Variants in DHTKD1 observed in about 807,000 individuals in gnomAD.
The protein encoded by DHTKD1 is 2-oxoadipate dehydrogenase complex component E1.
In DHTKD1, 78 loss-of-function variants were observed where a neutral mutation model predicts 101.8. The observed-to-expected ratio is 0.77, with a 90% confidence interval of 0.64 to 0.93. The LOEUF is 0.93. Ranked by LOEUF, DHTKD1 falls within the 40% of genes least tolerant of loss-of-function variation. The pLI is 0.00. For synonymous variants in DHTKD1, 462 were observed against 450.3 expected (o/e 1.03, Z -0.33); for missense variants, 1,223 against 1,161.7 (o/e 1.05, Z -0.77).
rs71382613 is a variant in DHTKD1, at chr10:12,072,461, CAATAAATAAATA to C, written c.154+3307_154+3318del. The stretch of plus-strand genomic sequence containing the variant: ...TGGGTGATAGAGCAAGACTCTGTCT[CAATAAATAAATA>C]AATAAATAAATAAATAAATAAATAA... On this transcript the variant is annotated intron_variant, in intron 1 of 16. Transcript: ENST00000263035. Among the ~76,000 whole-genome samples, 1,016 of 148,462 alleles carry C rather than the reference CAATAAATAAATA, an allele frequency of 6.8e-3. 8 individuals are homozygous for C. Among genetic ancestry groups the C allele is most frequent in the Non-Finnish European group, 9.4e-3 (631 of 67,442 alleles).
chr10:12,084,603 T>G lies in DHTKD1; in HGVS notation c.374T>G (p.Ile125Ser), dbSNP rs781461520. Residue 125 changes from isoleucine (I) to serine (S), a missense_variant, in exon 3 of 17, where the codon ATC (isoleucine) becomes AGC (serine). Physicochemically the swap from Ile to Ser is moderately radical, Grantham distance 142. Transcript: ENST00000263035. ...GAAGTGTTAGTCTATCTCAATCAAATCTACTGTGGGCAGATTTCTATTGAA... is the reference window on the plus strand; with the variant it reads ...GAAGTGTTAGTCTATCTCAATCAAAGCTACTGTGGGCAGATTTCTATTGAA... The part of the protein sequence containing the change: ...LEEVLVYLNQ[I>S]YCGQISIETS... 2 of 1,613,850 alleles carry G rather than the reference T, an allele frequency of 1.2e-6. No individual in the cohort carries two copies. The highest frequency in any genetic ancestry group is 2.2e-5 in the South Asian group (2 of 91,082).
intron 13 of DHTKD1, among the ~76,000 whole-genome samples, chr10:12,114,029 T>A (rs1029861544): frequency 9.8e-6 from 1 of 102,186 alleles, no homozygotes; most frequent in Non-Finnish European, 1.9e-5. Flanking sequence ...GCATTATTTG[T>A]CATTCTTTTT....
chr10:12,110,012 A>G lies in DHTKD1; in HGVS notation c.2154+1997A>G, dbSNP rs545705879. ...TCAGAACAGCTTTGAATGTAGCCCA[A>G]TACAGGCTGGGCGTGGTGGCTCACT... On this transcript the variant is annotated intron_variant, in intron 12 of 16. Transcript: ENST00000263035. This position sits in a 1 kb window ranked among gnomAD's most constrained non-coding sequence, Gnocchi z 4.9. Among the ~76,000 whole-genome samples the G allele has an allele frequency of 6.6e-6, 1 of 151,518 alleles. No homozygotes were observed. The highest frequency in any genetic ancestry group is 2.0e-4 in the East Asian group (1 of 5,078).
chr10:12,088,593 T>TTA (rs1832939410), intron 4 of DHTKD1, among the ~76,000 whole-genome samples: 1 of 152,152 alleles, frequency 6.6e-6, no homozygotes, highest in African/African-American at 2.4e-5. Flanking sequence ...ACTTACTTAT[T>TTA]TATTTATTGA....
chr10:12,085,300 ACT>A (rs1194404258), intron 3 of DHTKD1, among the ~76,000 whole-genome samples: 2 of 151,616 alleles, frequency 1.3e-5, no homozygotes, highest in African/African-American at 2.4e-5. Context: ...ACAGAGCGAG[ACT>A]CTGTCTCAAA....
rs1832687068 is a variant in DHTKD1, at chr10:12,073,968, T to C, written c.154+4781T>C. 2.6e-5 allele frequency among the ~76,000 whole-genome samples: 4 copies of C among 152,208 alleles called. No homozygotes were observed. In the South Asian group the frequency reaches 8.3e-4, roughly 32 times the overall value. On this transcript the variant is annotated intron_variant, in intron 1 of 16. Coordinates refer to ENST00000263035, the MANE Select transcript of DHTKD1 (RefSeq NM_018706.7). ...TGCCTCTGATATTCTCCTTTATTTT[T>C]AAGAGGAGTGCAGGCGTGTATCTGC...
chr10:12,071,763 G>A lies in DHTKD1; in HGVS notation c.154+2576G>A, dbSNP rs1294478049. 3.3e-5 allele frequency among the ~76,000 whole-genome samples: 5 copies of A among 152,248 alleles called. No homozygotes were observed. The South Asian group carries it at 8.3e-4, about 25-fold the overall frequency. ...GGCTGGTCTCGAACTCCTGTCCTCA[G>A]GTGAAATGCTTGCCTCGGCCCCCTA... On this transcript the variant is annotated intron_variant, in intron 1 of 16. Transcript: ENST00000263035.
At chr10:12,093,339 T>C (rs1489728030) in intron 6 of DHTKD1, among the ~76,000 whole-genome samples, 1 of 152,148 alleles carries the variant, frequency 6.6e-6, no homozygotes, top group Non-Finnish European at 1.5e-5. Context: ...CCACTGCACC[T>C]GGCCACAGCT....
intron 12 of DHTKD1, 87 bp from the exon 13 acceptor site, chr10:12,112,813 T>C (rs1833354521): frequency 2.3e-6 from 3 of 1,308,376 alleles, no homozygotes; most frequent in Non-Finnish European, 3.1e-6. Context: ...CAAGAACACC[T>C]GTGTTTCCCT....
Position 12,094,240 on chromosome 10 carries a change from T to C in DHTKD1, c.1327T>C (p.Tyr443His). The C allele has an allele frequency of 2.5e-6, 4 of 1,614,242 alleles. No individual in the cohort carries two copies. Among genetic ancestry groups the C allele is most frequent in the Non-Finnish European group, 3.4e-6 (4 of 1,180,040 alleles). Residue 443 changes from tyrosine (Y) to histidine (H), a missense_variant, in exon 7 of 17, where the codon TAC becomes CAC. Tyr to His is a moderately conservative substitution (Grantham distance 83). Transcript: ENST00000263035. ...CCACAATGAGCTGGATGAGCCATTC[T>C]ACACCAACCCCATCATGTACAAAAT... ...WGHNELDEPFYTNPIMYKIIR... is the reference protein window; with the variant it reads ...WGHNELDEPFHTNPIMYKIIR...
intron 11 of DHTKD1, among the ~76,000 whole-genome samples, chr10:12,106,727 A>G (rs762866997): frequency 4.6e-5 from 7 of 152,202 alleles, no homozygotes; most frequent in Non-Finnish European, 1.0e-4. Flanking sequence ...GAAGTAATTG[A>G]AGTAAACGTC....
At chr10:12,074,395 G>A (rs997259142) in intron 1 of DHTKD1, among the ~76,000 whole-genome samples, 1 of 151,988 alleles carries the variant, frequency 6.6e-6, no homozygotes, top group East Asian at 1.9e-4. Flanking sequence ...TTGCTCTGTC[G>A]CCCAGGCTGG....
chr10:12,097,789 G>A lies in DHTKD1; in HGVS notation c.1464G>A (p.Leu488=). The change falls in exon 8 of 17, where the codon TTG becomes TTA. Residue 488 remains leucine (L), a synonymous_variant. Coordinates refer to ENST00000263035, the MANE Select transcript of DHTKD1 (RefSeq NM_018706.7). ...SEIKSSYYAK[L]NDHLNNMAHY... ...TAAAATCCTCCTACTATGCCAAGTTGAATGATCACTTAAATAACATGGCCC... is the reference window on the plus strand; with the variant it reads ...TAAAATCCTCCTACTATGCCAAGTTAAATGATCACTTAAATAACATGGCCC... 1 of 1,614,204 alleles carries A rather than the reference G, an allele frequency of 6.2e-7. No homozygotes were observed. The highest frequency in any genetic ancestry group is 8.5e-7 in the Non-Finnish European group (1 of 1,180,036).
intron 10 of DHTKD1, among the ~76,000 whole-genome samples, chr10:12,105,408 T>C (rs938229401): frequency 1.3e-5 from 2 of 151,964 alleles, no homozygotes; most frequent in Non-Finnish European, 2.9e-5. Flanking sequence ...TTCAACCTCC[T>C]GGGCTCAAGT....
intron 1 of DHTKD1, among the ~76,000 whole-genome samples, chr10:12,072,670 A>G (rs2131345154): frequency 6.6e-6 from 1 of 151,412 alleles, no homozygotes; most frequent in East Asian, 1.9e-4. Flanking sequence ...GGAAACTTGA[A>G]TTTATTTATC....
chr10:12,080,466 A>C (rs1033543061), intron 1 of DHTKD1, among the ~76,000 whole-genome samples: 1 of 151,960 alleles, frequency 6.6e-6, no homozygotes, highest in African/African-American at 2.4e-5. Context: ...TAATCCCAGC[A>C]CTTCAGGAGG....
chr10:12,094,742 C>T (rs1287205642), intron 7 of DHTKD1, among the ~76,000 whole-genome samples: 1 of 152,098 alleles, frequency 6.6e-6, no homozygotes. Flanking sequence ...CAAGCAATTG[C>T]AATTCTTGTG....
At chr10:12,084,197 C>T (rs1832865846) in intron 2 of DHTKD1, among the ~76,000 whole-genome samples, 2 of 152,166 alleles carry the variant, frequency 1.3e-5, no homozygotes, top group Non-Finnish European at 1.5e-5. Flanking sequence ...GTTGGGATTA[C>T]AGGCGTGAGC....
Position 12,121,075 on chromosome 10 carries a change from C to A in DHTKD1, c.*187C>A. The A allele has an allele frequency of 2.2e-6, 1 of 457,450 alleles. No homozygotes were observed. Among genetic ancestry groups the A allele is most frequent in the Non-Finnish European group, 4.1e-6 (1 of 245,322 alleles). 28.3% of individuals were successfully genotyped at this position (457,450 alleles called of 1,614,324 possible). ...CCTCTACTAAAAATACAAAAAATAG[C>A]CGGGTGTGGTGGTGGGCACCTGTGA... On this transcript the variant is annotated 3_prime_UTR_variant, in exon 17 of 17. Coordinates refer to ENST00000263035, the MANE Select transcript of DHTKD1 (RefSeq NM_018706.7).
Sources: gnomAD v4.1 joint callset for allele counts (sites outside exome capture counted in the v4.1 genomes callset) on GRCh38, gnomAD v4.1.1 for gene constraint, Gnocchi (gnomAD v3.1) non-coding constraint, MANE v1.5 for transcripts, NCBI Gene and HGNC (gene_info 2026-07-23, HGNC 2026-07-21) for gene names.